AKAP13: variants seen among roughly 807,000 people sequenced by gnomAD.
The protein encoded by AKAP13 is A-kinase anchoring protein 13.
In AKAP13, 80 loss-of-function variants were observed where a neutral mutation model predicts 264.5. The ratio of observed to expected loss-of-function variants is 0.30; its 90% CI spans 0.25 to 0.36. The LOEUF (loss-of-function observed/expected upper bound fraction) is 0.36, where lower values mean the gene tolerates loss of function less well. Among genes scored for constraint, AKAP13 ranks in the 10% least tolerant of loss-of-function variants. The pLI is 1.00. For missense variants in AKAP13, 3,712 were observed against 3,435.2 expected, an observed-to-expected ratio of 1.08 and a Z score of -2.01; for synonymous variants, 1,380 against 1,250.2, an observed-to-expected ratio of 1.10 and a Z score of -2.19.
Position 85,736,378 on chromosome 15 carries a change from C to G in AKAP13, c.7557+244C>G, listed in dbSNP as rs1420085867. Among the ~76,000 whole-genome samples, 6 of 151,786 alleles carry G rather than the reference C, an allele frequency of 4.0e-5. No homozygotes were observed. In the South Asian group the frequency reaches 1.2e-3, roughly 32 times the overall value. On this transcript the variant is annotated intron_variant, in intron 33 of 36. Transcript: ENST00000394518. ...TTGCCTGCTAAGATGGCCTTTGATT[C>G]GTTTCTTTGATTCTCTGTCCTTAAG...
At chr15:85,583,071 T>C in intron 7 of AKAP13, 1 of 985,482 alleles carries the variant, frequency 1.0e-6, no homozygotes, top group Non-Finnish European at 1.2e-6. Context: ...CCTGAAGTCT[T>C]TAAAGGTCAG....
chr15:85,645,649 T>C (rs1279054379), intron 9 of AKAP13, among the ~76,000 whole-genome samples, 169 bp from the exon 10 acceptor site: 1 of 152,146 alleles, frequency 6.6e-6, no homozygotes, highest in Non-Finnish European at 1.5e-5. Context: ...CTGTGTCCTT[T>C]TATAGCTTCT....
intron 13 of AKAP13, among the ~76,000 whole-genome samples, chr15:85,668,647 A>G (rs1480471179): frequency 6.6e-6 from 1 of 152,204 alleles, no homozygotes; most frequent in Non-Finnish European, 1.5e-5. Flanking sequence ...ATTTCCAATT[A>G]TTTAAAATCA....
intron 29 of AKAP13, among the ~76,000 whole-genome samples, chr15:85,728,633 A>T (rs753666376): frequency 6.6e-6 from 1 of 152,164 alleles, no homozygotes; most frequent in Non-Finnish European, 1.5e-5. Flanking sequence ...TCCTGCCTCT[A>T]GTAAGTCTCA....
chr15:85,484,711 A>G (rs1257979748), intron 1 of AKAP13, among the ~76,000 whole-genome samples: 2 of 152,140 alleles, frequency 1.3e-5, no homozygotes, highest in African/African-American at 4.8e-5. Context: ...CTGTTATTTG[A>G]GTTAGGCATG....
rs753560858 is a variant in AKAP13 at position 85,730,576 on chromosome 15, G to A, written c.7151G>A (p.Arg2384Gln). The change falls in exon 30 of 37, where the codon CGG (arginine) becomes CAG (glutamine). Residue 2384 changes from arginine to glutamine, a missense_variant. Arg to Gln is a conservative substitution (Grantham distance 43). This residue lies in a region of AKAP13 where 342 missense variants were observed against 484.3 expected (regional missense o/e 0.71). Coordinates refer to ENST00000394518, the MANE Select transcript of AKAP13 (RefSeq NM_007200.5). The part of the protein sequence containing the change: ...LLLEEKEMIF[R>Q]DMAECSTPLP... ...TTGGAAGAGAAGGAGATGATTTTCC[G>A]GGACATGGCTGAGTGCAGCACCCCT... 5.0e-6 allele frequency: 8 copies of A among 1,614,096 alleles called. No individual in the cohort carries two copies. Among genetic ancestry groups the A allele is most frequent in the East Asian group, 4.5e-5 (2 of 44,874 alleles).
Position 85,658,569 on chromosome 15 carries a change from G to T in AKAP13, c.4778G>T (p.Arg1593Ile). 6.2e-7 allele frequency: 1 copy of T among 1,613,884 alleles called. No individual in the cohort carries two copies. The highest frequency in any genetic ancestry group is 1.1e-5 in the South Asian group (1 of 91,036). ...CGAGTTCTTGGGGATGTTGTCAGGA[G>T]ACCTCCCATTCATAGGAGAAGGTAC... ...SMRVLGDVVRRPPIHRRSFSL... is the reference protein window; with the variant it reads ...SMRVLGDVVRIPPIHRRSFSL... Residue 1593 changes from arginine to isoleucine, a missense_variant, in exon 12 of 37, where the codon AGA becomes ATA. Transcript: ENST00000394518.
chr15:85,655,216 A>T (rs899206351), intron 10 of AKAP13, among the ~76,000 whole-genome samples: 1 of 152,086 alleles, frequency 6.6e-6, no homozygotes, highest in Non-Finnish European at 1.5e-5. Context: ...AAGAGGATAG[A>T]TCTAGACTGT....
chr15:85,571,152 A>G (rs1015105165), intron 5 of AKAP13, among the ~76,000 whole-genome samples: 31 of 152,334 alleles, frequency 2.0e-4, no homozygotes, highest in Middle Eastern at 3.4e-3. Flanking sequence ...CTGAGCAGCA[A>G]TGAGGCCTGG....
In AKAP13 at chr15:85,645,874, G is replaced by A. The variant is rs765255347; in HGVS notation, c.4294G>A (p.Val1432Ile). 3 of 1,613,024 alleles carry A rather than the reference G, an allele frequency of 1.9e-6. No homozygotes were observed. The highest frequency in any genetic ancestry group is 2.5e-6 in the Non-Finnish European group (3 of 1,179,806). Residue 1432 changes from valine (V) to isoleucine (I), a missense_variant, in exon 10 of 37, where the codon GTA becomes ATA. By Grantham distance (29) the Val-to-Ile change is conservative (BLOSUM62 3). Around this residue, in one of 3 missense-constraint regions of AKAP13, gnomAD observed 2,759 missense variants for 2,411.7 expected, o/e 1.14. Coordinates refer to ENST00000394518, the MANE Select transcript of AKAP13 (RefSeq NM_007200.5). ...CAGAGAGTGTACCTCAAAACAAGGT[G>A]TACTTAAAAGAGAATCTGGGAGTGA... The part of the protein sequence containing the change: ...LGRECTSKQG[V>I]LKRESGSDSD...
intron 6 of AKAP13, among the ~76,000 whole-genome samples, chr15:85,576,365 A>G (rs71397883): frequency 3.9e-5 from 6 of 152,188 alleles, no homozygotes; most frequent in African/African-American, 7.2e-5. Context: ...ATTTAAATCA[A>G]TAGTTGTATG....
chr15:85,475,953 C>T (rs1401176842), intron 1 of AKAP13, among the ~76,000 whole-genome samples: 1 of 152,074 alleles, frequency 6.6e-6, no homozygotes, highest in African/African-American at 2.4e-5. Context: ...GAGGGTGCTA[C>T]AGGAGACATC....
At chr15:85,477,916 T>A (rs2075225774) in intron 1 of AKAP13, among the ~76,000 whole-genome samples, 1 of 152,170 alleles carries the variant, frequency 6.6e-6, no homozygotes, top group Non-Finnish European at 1.5e-5. Context: ...CCTATTCATC[T>A]TTGTAGTTCT....
intron 16 of AKAP13, among the ~76,000 whole-genome samples, chr15:85,689,017 C>G (rs1044162738): frequency 6.6e-5 from 10 of 152,196 alleles, no homozygotes; most frequent in African/African-American, 2.2e-4. Context: ...TCCTATCACA[C>G]TGGTTTTCTT....
At chr15:85,506,130 C>G (rs535512925) in intron 2 of AKAP13, among the ~76,000 whole-genome samples, 2 of 152,222 alleles carry the variant, frequency 1.3e-5, no homozygotes, top group East Asian at 3.9e-4. Flanking sequence ...AACTCCGTCT[C>G]TACTAATACA....
At position 85,580,783 on chromosome 15, in the gene AKAP13, T is replaced by C. The variant is rs1409414513; in HGVS notation, c.2715T>C (p.Asp905=). 6.2e-7 allele frequency: 1 copy of C among 1,613,984 alleles called. No homozygotes were observed. Among genetic ancestry groups the C allele is most frequent in the African/African-American group, 1.3e-5 (1 of 74,922 alleles). ...QSVGKATLAL[D]SVLTEEGKLL... is the part of the protein sequence containing the mutation. ...TGGGTAAGGCCACTTTGGCTTTAGATTCAGTTTTGACTGAAGAAGGAAAAC... is the reference window on the plus strand; with the variant it reads ...TGGGTAAGGCCACTTTGGCTTTAGACTCAGTTTTGACTGAAGAAGGAAAAC... Residue 905 remains aspartate (D), a synonymous_variant, in exon 7 of 37, where the codon GAT becomes GAC. Coordinates refer to ENST00000394518, the MANE Select transcript of AKAP13 (RefSeq NM_007200.5).
intron 5 of AKAP13, among the ~76,000 whole-genome samples, chr15:85,561,668 T>C (rs1448689827): frequency 6.6e-6 from 1 of 152,218 alleles, no homozygotes; most frequent in Non-Finnish European, 1.5e-5. Flanking sequence ...AATCACTTTT[T>C]TCGAGATCTT....
chr15:85,608,493 C>G (rs2080453725), intron 8 of AKAP13, among the ~76,000 whole-genome samples: 2 of 152,132 alleles, frequency 1.3e-5, no homozygotes, highest in South Asian at 2.1e-4. Context: ...TAGAATCAGA[C>G]CAACATGCAG....
intron 17 of AKAP13, among the ~76,000 whole-genome samples, chr15:85,705,976 A>G (rs776747048): frequency 6.6e-6 from 1 of 152,250 alleles, no homozygotes; most frequent in African/African-American, 2.4e-5. Context: ...CTTCAGCATT[A>G]TATATTGAGG....
Sources: allele counts gnomAD v4.1 joint callset (sites outside exome capture counted in the v4.1 genomes callset), GRCh38; gene constraint gnomAD v4.1.1; regional missense constraint gnomAD v4.1.1; transcripts MANE v1.5; gene names NCBI Gene and HGNC (gene_info 2026-07-23, HGNC 2026-07-21).